ULK4: variants seen among roughly 807,000 people sequenced by gnomAD.
The protein encoded by ULK4 is inactive serine/threonine-protein kinase ULK4.
ULK4 carries 133 observed loss-of-function variants against 160.6 expected under a neutral mutation model. That is an observed-to-expected ratio of 0.83 (90% CI 0.72 to 0.96). The LOEUF (loss-of-function observed/expected upper bound fraction) is 0.96. Among genes scored for constraint, ULK4 ranks in the 40% least tolerant of loss-of-function variants. The probability of loss-of-function intolerance (pLI) is 0.00; values close to 1 mark genes in which losing one functional copy is unlikely to be tolerated. For synonymous variants in ULK4, 534 were observed against 539.8 expected, an observed-to-expected ratio of 0.99 and a Z score of 0.15; for missense variants, 1,580 against 1,499.5, an observed-to-expected ratio of 1.05 and a Z score of -0.89.
At chr3:41,431,083 C>T (rs967310328) in intron 34 of ULK4, among the ~76,000 whole-genome samples, 4 of 152,264 alleles carry the variant, frequency 2.6e-5, no homozygotes, top group Middle Eastern at 3.4e-3. Flanking sequence ...GGCGCGGTGG[C>T]GCACGCTGGT....
chr3:41,840,636 G>A (rs1251326872), intron 17 of ULK4, among the ~76,000 whole-genome samples: 6 of 152,202 alleles, frequency 3.9e-5, no homozygotes, highest in African/African-American at 1.2e-4. Flanking sequence ...TCGGCCTCCC[G>A]GGGTGCTGGG....
intron 5 of ULK4, among the ~76,000 whole-genome samples, chr3:41,924,977 A>T (rs956559896): frequency 6.6e-6 from 1 of 152,164 alleles, no homozygotes; most frequent in Admixed American, 6.5e-5. Context: ...GAGGAGGAAG[A>T]TCTTTACCAC....
intron 30 of ULK4, among the ~76,000 whole-genome samples, chr3:41,636,289 C>G (rs977687166): frequency 6.6e-6 from 1 of 152,146 alleles, no homozygotes; most frequent in African/African-American, 2.4e-5. Context: ...AATCTTAGCA[C>G]TTTGGGAGGC....
chr3:41,407,851 C>A (rs996604416), intron 34 of ULK4, among the ~76,000 whole-genome samples: 1 of 151,706 alleles, frequency 6.6e-6, no homozygotes, highest in African/African-American at 2.4e-5. Flanking sequence ...GAGGTTCTAG[C>A]TAGAAAAATA....
chr3:41,786,640 AT>A (rs2040005886), intron 21 of ULK4, among the ~76,000 whole-genome samples: 1 of 151,858 alleles, frequency 6.6e-6, no homozygotes, highest in Non-Finnish European at 1.5e-5. Context: ...TAAATTGTAA[AT>A]TTTTTAATTG....
At chr3:41,499,342 C>T (rs2085107259) in intron 32 of ULK4, among the ~76,000 whole-genome samples, 1 of 152,096 alleles carries the variant, frequency 6.6e-6, no homozygotes. Flanking sequence ...TTTGAACTCC[C>T]CTGGGCAATC....
intron 32 of ULK4, among the ~76,000 whole-genome samples, chr3:41,483,345 G>C (rs540774794): frequency 2.0e-5 from 3 of 151,978 alleles, no homozygotes; most frequent in South Asian, 2.1e-4. Context: ...GATTTTTTTA[G>C]TTTTAGGCAT....
chr3:41,614,278 A>G (rs1439717179), intron 31 of ULK4, among the ~76,000 whole-genome samples: 1 of 152,184 alleles, frequency 6.6e-6, no homozygotes, highest in Non-Finnish European at 1.5e-5. Context: ...ATGTCTATAA[A>G]ATGAGTCTCT....
At chr3:41,681,266 T>A (rs6800793) in intron 29 of ULK4, among the ~76,000 whole-genome samples, 1 of 152,064 alleles carries the variant, frequency 6.6e-6, no homozygotes, top group South Asian at 2.1e-4. Context: ...CAAAATCATG[T>A]TTCTGGCAAA....
At chr3:41,620,130 T>C (rs964720956) in intron 30 of ULK4, among the ~76,000 whole-genome samples, 1 of 152,070 alleles carries the variant, frequency 6.6e-6, no homozygotes, top group African/African-American at 2.4e-5. Context: ...AATAACCTAC[T>C]GGCCAAAAAG....
chr3:41,921,064 C>A (rs1318179851), intron 5 of ULK4, among the ~76,000 whole-genome samples: 1 of 152,214 alleles, frequency 6.6e-6, no homozygotes, highest in African/African-American at 2.4e-5. Context: ...GTAATCCCAG[C>A]ACTTTGAGAG....
chr3:41,291,329 A>G (rs2079557073), intron 35 of ULK4, among the ~76,000 whole-genome samples: 1 of 151,274 alleles, frequency 6.6e-6, no homozygotes, highest in African/African-American at 2.4e-5. Flanking sequence ...GAGAAAAGAA[A>G]GAGAAAGAAG....
intron 12 of ULK4, among the ~76,000 whole-genome samples, chr3:41,902,588 G>GAAAAAAAAAAAAAAAAAAA (rs537842940): frequency 1.1e-5 from 1 of 94,788 alleles, no homozygotes. Context: ...AAAAAAAAAA[G>GAAAAAAAAAAAAAAAAAAA]AAAAAAAAAA....
chr3:41,341,728 C>G (rs1241603837), intron 35 of ULK4, among the ~76,000 whole-genome samples: 1 of 152,156 alleles, frequency 6.6e-6, no homozygotes, highest in East Asian at 1.9e-4. Context: ...TTTGGTCCTA[C>G]AGGCTCCAAA....
In ULK4 at chr3:41,718,033, C is replaced by T. The variant is rs9852303; in HGVS notation, c.2322-172G>A. On this transcript the variant is annotated intron_variant, in intron 22 of 36. Coordinates refer to ENST00000301831, the MANE Select transcript of ULK4 (RefSeq NM_017886.4). ...TTTTGCCTCAGAAAACTCAAAACAT[C>T]TATAAAGAAAGAAAATAAAGCAACT... 0.32 allele frequency among the ~76,000 whole-genome samples: 48,400 copies of T among 152,056 alleles called. 11,370 individuals carry two copies. The highest frequency in any genetic ancestry group is 0.67 in the African/African-American group (27,636 of 41,426).
intron 35 of ULK4, among the ~76,000 whole-genome samples, chr3:41,323,184 G>A (rs1250255130): frequency 6.6e-6 from 1 of 151,970 alleles, no homozygotes; most frequent in African/African-American, 2.4e-5. Flanking sequence ...TGATCTGCCC[G>A]CCTTGGCCTT....
At chr3:41,773,921 A>C (rs1422581249) in intron 21 of ULK4, among the ~76,000 whole-genome samples, 2 of 152,206 alleles carry the variant, frequency 1.3e-5, no homozygotes, top group African/African-American at 4.8e-5. Context: ...AATGCCGCAT[A>C]TCTACAACTA....
chr3:41,945,784 G>A (rs565407074), intron 2 of ULK4, among the ~76,000 whole-genome samples: 15 of 152,214 alleles, frequency 9.9e-5, no homozygotes, highest in South Asian at 2.1e-4. Flanking sequence ...TAAAATGCCC[G>A]AATCCATTCT....
intron 2 of ULK4, among the ~76,000 whole-genome samples, chr3:41,951,416 G>T (rs1277952061): frequency 6.7e-6 from 1 of 149,664 alleles, no homozygotes. Context: ...AAAAAAAGCT[G>T]GAAAACACAC....
Sources: allele counts gnomAD v4.1 joint callset (sites outside exome capture counted in the v4.1 genomes callset), GRCh38; gene constraint gnomAD v4.1.1; transcripts MANE v1.5; gene names NCBI Gene and HGNC (gene_info 2026-07-23, HGNC 2026-07-21).